The following CNTNAP3 variants were observed in gnomAD, a reference collection of about 807,000 sequenced individuals.
CNTNAP3 encodes the protein contactin-associated protein-like 3.
CNTNAP3 carries 36 observed loss-of-function variants against 92.1 expected under a neutral mutation model. The ratio of observed to expected loss-of-function variants is 0.39; its 90% CI spans 0.30 to 0.52. The LOEUF (loss-of-function observed/expected upper bound fraction) is 0.52. Ranked by LOEUF, CNTNAP3 falls within the 20% of genes least tolerant of loss-of-function variation. The probability of loss-of-function intolerance (pLI) is 0.76; values close to 1 mark genes in which losing one functional copy is unlikely to be tolerated. For missense variants in CNTNAP3, 534 were observed against 1,069.6 expected (o/e 0.50, Z 6.98); for synonymous variants, 232 against 422.3 (o/e 0.55, Z 5.53).
At chr9:39,128,120 T>A (rs1209010242) in intron 13 of CNTNAP3, among the ~76,000 whole-genome samples, 4 of 152,190 alleles carry the variant, frequency 2.6e-5, no homozygotes, top group Non-Finnish European at 5.9e-5. Context: ...ATCACAGGCG[T>A]GAGCCACCCT....
chr9:39,097,217 C>T (rs1175097998), intron 18 of CNTNAP3, among the ~76,000 whole-genome samples: 2 of 152,080 alleles, frequency 1.3e-5, no homozygotes, highest in Non-Finnish European at 2.9e-5. Flanking sequence ...TATCTTCATA[C>T]CACTATGCTT....
chr9:39,081,408 A>G (rs1825929749), intron 21 of CNTNAP3, among the ~76,000 whole-genome samples: 1 of 151,180 alleles, frequency 6.6e-6, no homozygotes, highest in Admixed American at 6.6e-5. Flanking sequence ...GGCTTTCTCA[A>G]CTTCGGGGTC....
At position 39,069,144 on chromosome 9, in the gene CNTNAP3, A is replaced by G. The variant is rs1253581022; in HGVS notation, c.*4746T>C. Among the ~76,000 whole-genome samples the G allele has an allele frequency of 3.9e-5, 6 of 151,916 alleles. No homozygotes were observed. Among genetic ancestry groups the G allele is most frequent in the African/African-American group, 1.5e-4 (6 of 41,158 alleles). On this transcript the variant is annotated 3_prime_UTR_variant, in exon 24 of 24. Coordinates refer to ENST00000297668, the MANE Select transcript of CNTNAP3 (RefSeq NM_033655.5). The stretch of plus-strand genomic sequence containing the variant: ...TAAGATGAACATTGTAGATTGGAGC[A>G]TATTATGGGAGCAAGGCAACCTGTA...
chr9:39,148,550 A>G (rs1461781959), intron 10 of CNTNAP3, among the ~76,000 whole-genome samples: 1 of 149,352 alleles, frequency 6.7e-6, no homozygotes, highest in Admixed American at 6.6e-5. Flanking sequence ...TTTTTTGAGA[A>G]GAGTCTGGCT....
At position 39,066,655 on chromosome 9, in the gene CNTNAP3, T is replaced by G. The variant is rs1303043151; in HGVS notation, c.*7235A>C. On this transcript the variant is annotated 3_prime_UTR_variant, in exon 24 of 24. Transcript: ENST00000297668. ...AACCTAGGAGAGAGAGTTTTCTGCT[T>G]TTGGTTGGAAGATGTTTCACTGGAA... 6.6e-6 allele frequency among the ~76,000 whole-genome samples: 1 copy of G among 152,296 alleles called. No homozygotes were observed. The highest frequency in any genetic ancestry group is 1.5e-5 in the Non-Finnish European group (1 of 68,052).
intron 13 of CNTNAP3, among the ~76,000 whole-genome samples, chr9:39,125,317 T>C (rs1347038762): frequency 6.6e-6 from 1 of 151,918 alleles, no homozygotes; most frequent in East Asian, 1.9e-4. Flanking sequence ...ATGAGAACAC[T>C]TGGACACAGG....
rs1311097817 is a variant in CNTNAP3, at chr9:39,179,292, C to CACACACAT, written c.539-933_539-932insATGTGTGT. On this transcript the variant is annotated intron_variant, in intron 4 of 23. Coordinates refer to ENST00000297668, the MANE Select transcript of CNTNAP3 (RefSeq NM_033655.5). Reference sequence around the variant, plus strand: ...TTAAAACTCTCTCTCTCTCTACACACACACACACACACACACACACACACA... The same window carrying CACACACAT: ...TTAAAACTCTCTCTCTCTCTACACACACACACATACACACACACACACACACACACACA... Among the ~76,000 whole-genome samples the CACACACAT allele has an allele frequency of 1.7e-4, 16 of 93,320 alleles. 1 individual carries two copies. The highest frequency in any genetic ancestry group is 9.1e-4 in the East Asian group (3 of 3,298). The allele number at this position is 93,320 out of a possible 152,430, so 61.2% of individuals were successfully genotyped here. A position where few individuals can be genotyped will look rare whatever the true frequency, so the allele number is the denominator to read the frequency against.
intron 14 of CNTNAP3, among the ~76,000 whole-genome samples, chr9:39,115,090 C>A (rs1232472244): frequency 1.3e-5 from 2 of 151,590 alleles, no homozygotes; most frequent in Non-Finnish European, 2.9e-5. Context: ...GAGGAACTGT[C>A]TGATCATAAA....
intron 16 of CNTNAP3, among the ~76,000 whole-genome samples, chr9:39,103,331 C>T (rs1826513156): frequency 6.6e-6 from 1 of 152,146 alleles, no homozygotes; most frequent in African/African-American, 2.4e-5. Flanking sequence ...CCTGTAATCC[C>T]AGCACTTTGG....
intron 21 of CNTNAP3, among the ~76,000 whole-genome samples, chr9:39,082,326 C>T (rs1160385619): frequency 1.3e-5 from 2 of 151,486 alleles, no homozygotes; most frequent in Non-Finnish European, 2.9e-5. Context: ...CTGTGATGCC[C>T]ACTGAATCCT....
At position 39,109,304 on chromosome 9, in the gene CNTNAP3, G is replaced by A. The variant is rs779945980; in HGVS notation, c.2238-17C>T. 48 of 1,610,328 alleles carry A rather than the reference G, an allele frequency of 3.0e-5. No homozygotes were observed. The highest frequency in any genetic ancestry group is 6.7e-5 in the African/African-American group (5 of 74,708). ...TCACTAGTCCTAAAGAACAACAACCGAAACCATTAAAATTATTCTGATTAA... is the reference window on the plus strand; with the variant it reads ...TCACTAGTCCTAAAGAACAACAACCAAAACCATTAAAATTATTCTGATTAA... On this transcript the variant is annotated splice_polypyrimidine_tract_variant and intron_variant, in intron 14 of 23. Coordinates refer to ENST00000297668, the MANE Select transcript of CNTNAP3 (RefSeq NM_033655.5).
Position 39,070,764 on chromosome 9 carries a change from T to C in CNTNAP3, c.*3126A>G, listed in dbSNP as rs1420693080. Among the ~76,000 whole-genome samples the C allele has an allele frequency of 6.6e-6, 1 of 152,290 alleles. No homozygotes were observed. The highest frequency in any genetic ancestry group is 6.5e-5 in the Admixed American group (1 of 15,294). On this transcript the variant is annotated 3_prime_UTR_variant, in exon 24 of 24. Transcript: ENST00000297668. The stretch of plus-strand genomic sequence containing the variant: ...GCTTATTTCACAGTGCATGCCTGTA[T>C]CAAAACATTTCATGTACTCCATAAA...
chr9:39,116,508 T>C (rs1190179179), intron 14 of CNTNAP3, among the ~76,000 whole-genome samples: 4 of 151,934 alleles, frequency 2.6e-5, no homozygotes, highest in East Asian at 3.8e-4. Flanking sequence ...TCATACAAAA[T>C]ATTGTACAAA....
chr9:39,078,572 AT>A, intron 22 of CNTNAP3, 116 bp from the exon 23 acceptor site: 2 of 1,549,288 alleles, frequency 1.3e-6, no homozygotes, highest in African/African-American at 2.7e-5. Flanking sequence ...ACAAAAATGT[AT>A]TTTAAAAAAG....
rs1166864477 is a variant in CNTNAP3, at chr9:39,255,954, T to TC, written c.196+10941dup. On this transcript the variant is annotated intron_variant, in intron 2 of 23. Transcript: ENST00000297668. Reference sequence around the variant, plus strand: ...TTCTTCCTACACTGCACTAGGCTTCTCCGTTTGTCCATCAATGGAAATTTG... The same window carrying TC: ...TTCTTCCTACACTGCACTAGGCTTCTCCCGTTTGTCCATCAATGGAAATTTG... Among the ~76,000 whole-genome samples the TC allele has an allele frequency of 1.9e-4, 4 of 21,250 alleles. 2 individuals carry two copies. Among genetic ancestry groups the TC allele is most frequent in the Non-Finnish European group, 4.7e-4 (4 of 8,580 alleles). 13.9% of individuals were successfully genotyped at this position (21,250 alleles called of 152,430 possible).
chr9:39,100,114 C>T lies in CNTNAP3; in HGVS notation c.2792G>A (p.Cys931Tyr). The change falls in exon 18 of 24, where the codon TGC becomes TAC. Residue 931 changes from cysteine to tyrosine, a missense_variant. Coordinates refer to ENST00000297668, the MANE Select transcript of CNTNAP3 (RefSeq NM_033655.5). ...CCCGTTCAACTGCAGAGACCGAATG[C>T]ATCCTAGAAAGCCTCTCTGTCTGGT... ...TATRQRGFLG[C>Y]IRSLQLNGVA... is the part of the protein sequence containing the mutation. 2 of 1,587,018 alleles carry T rather than the reference C, an allele frequency of 1.3e-6. No individual in the cohort carries two copies. The highest frequency in any genetic ancestry group is 2.3e-5 in the East Asian group (1 of 44,342).
chr9:39,106,102 T>G (rs1254477505), intron 15 of CNTNAP3, among the ~76,000 whole-genome samples: 36 of 149,606 alleles, frequency 2.4e-4, no homozygotes, highest in East Asian at 1.0e-3. Flanking sequence ...TCTAACCCAG[T>G]GGTCATTCCT....
intron 15 of CNTNAP3, among the ~76,000 whole-genome samples, chr9:39,107,394 G>T: frequency 6.9e-6 from 1 of 144,352 alleles, no homozygotes. Context: ...GGGAGGGAGG[G>T]AGGGAGGAAG....
Position 39,066,015 on chromosome 9 carries a change from T to C in CNTNAP3, c.*7875A>G, listed in dbSNP as rs1825502000. On this transcript the variant is annotated 3_prime_UTR_variant, in exon 24 of 24. Transcript: ENST00000297668. Reference sequence around the variant, plus strand: ...TATCTTGCTATTTGCTTTCTATTTGTCCCATTTGTTCTTTGTCCTCTTTCT... The same window carrying C: ...TATCTTGCTATTTGCTTTCTATTTGCCCCATTTGTTCTTTGTCCTCTTTCT... 6.6e-6 allele frequency among the ~76,000 whole-genome samples: 1 copy of C among 152,250 alleles called. No homozygotes were observed.
Sources: gnomAD v4.1 joint callset for allele counts (sites outside exome capture counted in the v4.1 genomes callset) on GRCh38, gnomAD v4.1.1 for gene constraint, MANE v1.5 for transcripts, NCBI Gene and HGNC (gene_info 2026-07-23, HGNC 2026-07-21) for gene names.